CASK: variants seen among roughly 807,000 people sequenced by gnomAD.
The protein encoded by CASK is peripheral plasma membrane protein CASK.
CASK carries 4 observed loss-of-function variants against 82.9 expected under a neutral mutation model. The ratio of observed to expected loss-of-function variants is 0.05; its 90% CI spans 0.02 to 0.11. The LOEUF is 0.11. CASK is among the 10% of genes least tolerant of loss of function. CASK has a pLI of 1.00. For synonymous variants in CASK, 259 were observed against 253.5 expected (o/e 1.02, Z -0.20); for missense variants, 358 against 720.9 (o/e 0.50, Z 5.76).
intron 1 of CASK, among the ~76,000 whole-genome samples, chrX:41,873,165 A>T (rs1227216189): frequency 2.7e-5 from 3 of 109,649 alleles, no homozygotes; most frequent in East Asian, 5.7e-4. Context: ...AAAGAAGAAG[A>T]AGTAGTAGTA....
intron 15 of CASK, 23 bp from the exon 16 acceptor site, chrX:41,569,769 T>C (rs752540441): frequency 8.2e-6 from 8 of 978,881 alleles, no homozygotes; most frequent in Non-Finnish European, 1.2e-5. Flanking sequence ...AAATAAAAAG[T>C]TCAGCAAAAG....
intron 8 of CASK, among the ~76,000 whole-genome samples, chrX:41,650,197 T>C (rs1224602237): frequency 8.9e-6 from 1 of 111,804 alleles, no homozygotes; most frequent in East Asian, 2.8e-4. Context: ...GGGTCTTGAC[T>C]CTTTATCCAA....
chrX:41,705,697 G>A (rs1179459973), intron 5 of CASK, among the ~76,000 whole-genome samples: 5 of 111,952 alleles, frequency 4.5e-5, no homozygotes, highest in Non-Finnish European at 7.5e-5. Context: ...ATGAACTCAG[G>A]CAGGCCCAGT....
intron 2 of CASK, among the ~76,000 whole-genome samples, chrX:41,813,147 G>A (rs1489622385): frequency 4.5e-5 from 5 of 111,483 alleles, no homozygotes; most frequent in African/African-American, 1.3e-4. Context: ...AATCAATATC[G>A]TGAAAATGGC....
rs573735317 is a variant in CASK, at chrX:41,629,137, G to A, written c.916-2434C>T. On this transcript the variant is annotated intron_variant, in intron 9 of 26. Coordinates refer to ENST00000378163, the MANE Select transcript of CASK (RefSeq NM_001367721.1). ...TCTTATGACTAGCAGTTTTGTTTAC[G>A]TAGTTTGTTTTTTTTTTAAATAATA... is the stretch of plus-strand genomic sequence containing the variant. 5.4e-5 allele frequency among the ~76,000 whole-genome samples: 6 copies of A among 111,167 alleles called. 1 individual carries two copies. The South Asian group carries it at 1.9e-3, about 35-fold the overall frequency.
intron 2 of CASK, among the ~76,000 whole-genome samples, chrX:41,814,612 G>T (rs2070376508): frequency 1.3e-5 from 1 of 75,927 alleles, no homozygotes; most frequent in Non-Finnish European, 2.4e-5. Flanking sequence ...GAGGGGGGAG[G>T]GATAGCATTA....
chrX:41,808,684 G>A (rs1367037867), intron 2 of CASK, among the ~76,000 whole-genome samples: 1 of 112,169 alleles, frequency 8.9e-6, no homozygotes. Context: ...TCCAACTGAG[G>A]TACCGGGTTC....
chrX:41,781,633 A>G (rs945459136), intron 3 of CASK, among the ~76,000 whole-genome samples: 16 of 112,101 alleles, frequency 1.4e-4, no homozygotes, highest in Admixed American at 1.4e-3. Context: ...CATGAGGGCA[A>G]TTCTGGAGTA....
chrX:41,739,057 C>A (rs186039320), intron 5 of CASK, among the ~76,000 whole-genome samples: 172 of 111,504 alleles, frequency 1.5e-3, no homozygotes, highest in Non-Finnish European at 2.1e-3. Context: ...ATTCTAATTT[C>A]CCCCCCAATT....
intron 21 of CASK, among the ~76,000 whole-genome samples, chrX:41,543,084 A>G (rs1488168092): frequency 8.9e-6 from 1 of 112,574 alleles, no homozygotes; most frequent in Non-Finnish European, 1.9e-5. Context: ...GATACAGTAG[A>G]ATGTTTCAAC....
At chrX:41,546,494 GTCTC>G (rs1569298005) in intron 21 of CASK, among the ~76,000 whole-genome samples, 1 of 112,111 alleles carries the variant, frequency 8.9e-6, no homozygotes, top group Admixed American at 9.5e-5. Context: ...TTAAGACAGA[GTCTC>G]TCTCTGTTGC....
chrX:41,525,769 C>G (rs1430408602), intron 25 of CASK, among the ~76,000 whole-genome samples: 3 of 112,268 alleles, frequency 2.7e-5, no homozygotes, highest in African/African-American at 9.7e-5. Context: ...CTCTTAGCCT[C>G]TTTGTGTATA....
chrX:41,735,766 C>T (rs2068483815), intron 5 of CASK, among the ~76,000 whole-genome samples: 1 of 110,818 alleles, frequency 9.0e-6, no homozygotes, highest in South Asian at 3.8e-4. Flanking sequence ...AAGTGCTCTT[C>T]CCTCAGCTGT....
rs144151766 is a variant in CASK, at chrX:41,551,358, C to T, written c.2039+2361G>A. Among the ~76,000 whole-genome samples, 161 of 111,214 alleles carry T rather than the reference C, an allele frequency of 1.4e-3. 1 individual carries two copies. Among genetic ancestry groups the T allele is most frequent in the East Asian group, 6.0e-3 (21 of 3,496 alleles). On this transcript the variant is annotated intron_variant, in intron 21 of 26. Transcript: ENST00000378163. ...CAAGGCAGCTTTCTCTATAGTCCTCCGGTGTTGAAGGGAAATAAGGGTATG... is the reference window on the plus strand; with the variant it reads ...CAAGGCAGCTTTCTCTATAGTCCTCTGGTGTTGAAGGGAAATAAGGGTATG...
At chrX:41,584,055 T>C (rs756640549) in intron 14 of CASK, 9 of 112,365 alleles carry the variant, frequency 8.0e-5, no homozygotes, top group Non-Finnish European at 1.5e-4. Flanking sequence ...TTATTATATA[T>C]CTGTTTCTAG....
At chrX:41,771,055 G>GGCA (rs1347082418) in intron 3 of CASK, among the ~76,000 whole-genome samples, 2 of 111,913 alleles carry the variant, frequency 1.8e-5, no homozygotes, top group Non-Finnish European at 3.8e-5. Context: ...AAGAACCTAA[G>GGCA]GCAAGGTTCA....
intron 2 of CASK, among the ~76,000 whole-genome samples, chrX:41,845,294 T>G (rs754227460): frequency 8.9e-6 from 1 of 111,877 alleles, no homozygotes; most frequent in East Asian, 2.8e-4. Flanking sequence ...AGTCTCCAAT[T>G]ATTATTGCTG....
chrX:41,834,139 T>C (rs2070883717), intron 2 of CASK, among the ~76,000 whole-genome samples: 1 of 112,190 alleles, frequency 8.9e-6, no homozygotes, highest in African/African-American at 3.2e-5. Context: ...TGAAAAAGTA[T>C]GTTATTGGTC....
chrX:41,905,026 T>A (rs1175814395), intron 1 of CASK, among the ~76,000 whole-genome samples: 1 of 112,247 alleles, frequency 8.9e-6, no homozygotes, highest in Non-Finnish European at 1.9e-5. Context: ...ATGCCTTTGC[T>A]ATTATGAATA....
Sources: gnomAD v4.1 joint callset for allele counts (sites outside exome capture counted in the v4.1 genomes callset) on GRCh38, gnomAD v4.1.1 for gene constraint, MANE v1.5 for transcripts, NCBI Gene and HGNC (gene_info 2026-07-23, HGNC 2026-07-21) for gene names.